The following TSHZ2 variants were observed in gnomAD, a reference collection of about 807,000 sequenced individuals.
The protein encoded by TSHZ2 is teashirt zinc finger homeobox 2, also known as teashirt homolog 2.
A neutral mutation model predicts 74.4 loss-of-function variants in TSHZ2; 21 were observed. The observed-to-expected ratio is 0.28, with a 90% CI of 0.20 to 0.41. The LOEUF (loss-of-function observed/expected upper bound fraction) is 0.41. Ranked by LOEUF, TSHZ2 falls within the 10% of genes least tolerant of loss-of-function variation. TSHZ2 has a pLI of 1.00. For missense variants in TSHZ2, 1,244 were observed against 1,293.5 expected, an observed-to-expected ratio of 0.96 and a Z score of 0.59; for synonymous variants, 540 against 515.3, an observed-to-expected ratio of 1.05 and a Z score of -0.65.
At chr20:53,083,098 A>G (rs1600681360) in intron 1 of TSHZ2, among the ~76,000 whole-genome samples, 1 of 152,342 alleles carries the variant, frequency 6.6e-6, no homozygotes. Context: ...TATAAAATGA[A>G]CAGATTGAAT....
intron 2 of TSHZ2, among the ~76,000 whole-genome samples, chr20:53,479,776 A>G (rs1986095199): frequency 6.6e-6 from 1 of 152,214 alleles, no homozygotes; most frequent in African/African-American, 2.4e-5. Context: ...AGTTGTCACA[A>G]CTCAGGGGTA....
chr20:53,087,738 A>G (rs1985742280), intron 1 of TSHZ2, among the ~76,000 whole-genome samples: 1 of 152,198 alleles, frequency 6.6e-6, no homozygotes, highest in Non-Finnish European at 1.5e-5. Context: ...ATGTCTATTG[A>G]TTCGGCCATT....
chr20:53,409,664 T>C (rs1179361458), intron 2 of TSHZ2, among the ~76,000 whole-genome samples: 9 of 152,192 alleles, frequency 5.9e-5, no homozygotes, highest in Non-Finnish European at 4.4e-5. Flanking sequence ...AATTCTTTCA[T>C]GAAGATGAGA....
intron 2 of TSHZ2, among the ~76,000 whole-genome samples, chr20:53,441,249 T>TA (rs965039846): frequency 3.4e-5 from 5 of 148,386 alleles, no homozygotes; most frequent in Non-Finnish European, 4.5e-5. Flanking sequence ...TATTTTATTT[T>TA]ATTTTATTTT....
In TSHZ2 at chr20:53,007,875, A is replaced by T. The variant is rs991704648; in HGVS notation, c.40+34542A>T. On this transcript the variant is annotated intron_variant, in intron 1 of 2. Transcript: ENST00000371497. The stretch of plus-strand genomic sequence containing the variant: ...ATCAGGAAAATTAAAATAATTTAAA[A>T]AATAATAATACAACACAGCAAATGG... Among the ~76,000 whole-genome samples the T allele has an allele frequency of 1.1e-3, 165 of 152,262 alleles. 1 individual carries two copies. The highest frequency in any genetic ancestry group is 2.0e-3 in the Non-Finnish European group (134 of 68,024).
intron 2 of TSHZ2, among the ~76,000 whole-genome samples, chr20:53,258,274 TG>T (rs1205139567): frequency 6.6e-6 from 1 of 152,210 alleles, no homozygotes; most frequent in African/African-American, 2.4e-5. Context: ...AATTCACACC[TG>T]AGCTTGGGGT....
intron 1 of TSHZ2, among the ~76,000 whole-genome samples, chr20:53,213,270 C>T (rs1282560965): frequency 6.6e-6 from 1 of 152,110 alleles, no homozygotes; most frequent in Non-Finnish European, 1.5e-5. Context: ...CTTGTTCATG[C>T]CTTGAAAATT....
chr20:53,342,900 C>T (rs944004877), intron 2 of TSHZ2, among the ~76,000 whole-genome samples: 6 of 150,150 alleles, frequency 4.0e-5, no homozygotes, highest in African/African-American at 7.4e-5. Context: ...ATGCAGGTTC[C>T]GTAGGTCTGG....
At chr20:53,119,813 T>C (rs1358979796) in intron 1 of TSHZ2, among the ~76,000 whole-genome samples, 2 of 152,204 alleles carry the variant, frequency 1.3e-5, no homozygotes, top group African/African-American at 4.8e-5. Context: ...CTCTTGGGGC[T>C]TCGTAAAGCT....
intron 1 of TSHZ2, among the ~76,000 whole-genome samples, chr20:53,222,330 T>TG (rs1989583708): frequency 1.3e-5 from 2 of 152,196 alleles, no homozygotes; most frequent in Non-Finnish European, 1.5e-5. Context: ...TTCTTGCCTC[T>TG]CTACAGACAC....
At chr20:53,465,966 T>TA (rs557411643) in intron 2 of TSHZ2, among the ~76,000 whole-genome samples, 2,522 of 132,190 alleles carry the variant, frequency 0.019, 36 homozygotes, top group African/African-American at 0.021. Flanking sequence ...TCACAGTGGT[T>TA]AAAAAAAAAA....
At chr20:53,411,524 A>C (rs1424489426) in intron 2 of TSHZ2, among the ~76,000 whole-genome samples, 1 of 152,136 alleles carries the variant, frequency 6.6e-6, no homozygotes, top group Non-Finnish European at 1.5e-5. Context: ...TCACCTTAAA[A>C]AAAGTAACTT....
At chr20:53,311,049 T>C (rs1317217398) in intron 2 of TSHZ2, among the ~76,000 whole-genome samples, 1 of 152,246 alleles carries the variant, frequency 6.6e-6, no homozygotes, top group African/African-American at 2.4e-5. Flanking sequence ...TGTGCTGAGA[T>C]GATCATCTGA....
At chr20:53,129,589 AC>A (rs1003450108) in intron 1 of TSHZ2, among the ~76,000 whole-genome samples, 18 of 152,218 alleles carry the variant, frequency 1.2e-4, no homozygotes, top group Non-Finnish European at 2.6e-4. Flanking sequence ...TTGTTATGAT[AC>A]AATTTATCAT....
At chr20:53,225,869 A>G (rs2123655048) in intron 1 of TSHZ2, among the ~76,000 whole-genome samples, 1 of 152,272 alleles carries the variant, frequency 6.6e-6, no homozygotes, top group South Asian at 2.1e-4. Flanking sequence ...ACAGGGAAAG[A>G]GGGAATCGGT....
chr20:53,147,576 G>T (rs1057159172), intron 1 of TSHZ2, among the ~76,000 whole-genome samples: 9 of 152,120 alleles, frequency 5.9e-5, no homozygotes, highest in Admixed American at 1.3e-4. Flanking sequence ...AGAAATTTTT[G>T]ATTGTTGGTT....
chr20:53,061,721 T>G (rs1300113535), intron 1 of TSHZ2, among the ~76,000 whole-genome samples: 1 of 152,214 alleles, frequency 6.6e-6, no homozygotes, highest in Non-Finnish European at 1.5e-5. Context: ...TCCAGGCTTC[T>G]TAGTGAGATG....
chr20:53,282,527 G>C (rs1991083905), intron 2 of TSHZ2, among the ~76,000 whole-genome samples: 1 of 152,196 alleles, frequency 6.6e-6, no homozygotes, highest in Non-Finnish European at 1.5e-5. Context: ...GGGAAACCGA[G>C]GTTCAGGTAT....
intron 2 of TSHZ2, among the ~76,000 whole-genome samples, chr20:53,463,480 G>T (rs1318863847): frequency 7.5e-6 from 1 of 132,842 alleles, no homozygotes; most frequent in African/African-American, 2.7e-5. Flanking sequence ...TAGGGGGTAG[G>T]GAGAGGAAAG....
Sources: gnomAD v4.1 joint callset for allele counts (sites outside exome capture counted in the v4.1 genomes callset) on GRCh38, gnomAD v4.1.1 for gene constraint, MANE v1.5 for transcripts, NCBI Gene and HGNC (gene_info 2026-07-23, HGNC 2026-07-21) for gene names.